ADGRB3: variants seen among roughly 807,000 people sequenced by gnomAD.
ADGRB3 encodes brain-specific angiogenesis inhibitor 3.
In ADGRB3, 37 loss-of-function variants were observed where a neutral mutation model predicts 193.4. That is an observed-to-expected ratio of 0.19 (90% CI 0.15 to 0.25). The LOEUF is 0.25. Among genes scored for constraint, ADGRB3 ranks in the 10% least tolerant of loss-of-function variants. The probability of loss-of-function intolerance (pLI) is 1.00; values close to 1 mark genes in which losing one functional copy is unlikely to be tolerated. For missense variants in ADGRB3, 1,637 were observed against 1,852.9 expected, an observed-to-expected ratio of 0.88 and a Z score of 2.14; for synonymous variants, 690 against 644.2, an observed-to-expected ratio of 1.07 and a Z score of -1.08.
intron 3 of ADGRB3, among the ~76,000 whole-genome samples, chr6:68,690,566 G>C (rs1765056083): frequency 6.6e-6 from 1 of 152,026 alleles, no homozygotes; most frequent in Admixed American, 6.6e-5. Flanking sequence ...TCTTGCCCCT[G>C]ACTACTATCC....
intron 3 of ADGRB3, among the ~76,000 whole-genome samples, chr6:68,891,195 A>G (rs1353338129): frequency 6.6e-6 from 1 of 152,158 alleles, no homozygotes; most frequent in Non-Finnish European, 1.5e-5. Context: ...CACTATTACA[A>G]GAACAGCACG....
chr6:69,351,046 A>G (rs552223206), intron 26 of ADGRB3, among the ~76,000 whole-genome samples: 2 of 152,132 alleles, frequency 1.3e-5, no homozygotes, highest in South Asian at 4.1e-4. Context: ...ACAGTGTTGG[A>G]CAAATATTTA....
chr6:69,372,544 T>G (rs1028527582), intron 30 of ADGRB3, 103 bp downstream of exon 30: 8 of 469,570 alleles, frequency 1.7e-5, no homozygotes, highest in African/African-American at 1.6e-4. Flanking sequence ...AAGGGTATTA[T>G]GTACTAATTT....
chr6:68,753,138 G>A (rs1044598061), intron 3 of ADGRB3, among the ~76,000 whole-genome samples: 1 of 152,172 alleles, frequency 6.6e-6, no homozygotes, highest in African/African-American at 2.4e-5. Context: ...TAGGGATAGT[G>A]TGGTATAATA....
intron 3 of ADGRB3, among the ~76,000 whole-genome samples, chr6:68,819,436 G>C (rs992821485): frequency 2.0e-5 from 3 of 150,754 alleles, no homozygotes; most frequent in African/African-American, 7.3e-5. Flanking sequence ...TTCTTCTTTT[G>C]TCTGCAACTA....
rs371439563 is a variant in ADGRB3 at position 68,855,238 on chromosome 6, G to A, written c.758-75321G>A. Among the ~76,000 whole-genome samples the A allele has an allele frequency of 1.3e-4, 19 of 151,972 alleles. 1 individual carries two copies. The East Asian group carries it at 1.5e-3, about 12-fold the overall frequency. On this transcript the variant is annotated intron_variant, in intron 3 of 31. Transcript: ENST00000370598. ...TACAGCAATGGTGATTGTTTCCCAG[G>A]CCTTTTAAAGACAATAAAAACTCTG...
intron 3 of ADGRB3, among the ~76,000 whole-genome samples, chr6:68,805,217 A>G (rs945079773): frequency 1.3e-5 from 2 of 152,232 alleles, no homozygotes; most frequent in African/African-American, 4.8e-5. Context: ...TTGGGATTAC[A>G]GGTGTGAGCC....
intron 13 of ADGRB3, among the ~76,000 whole-genome samples, chr6:69,039,469 G>C (rs1770966469): frequency 6.6e-6 from 1 of 152,058 alleles, no homozygotes; most frequent in African/African-American, 2.4e-5. Flanking sequence ...TTTCTGTAAA[G>C]GGATAGATAG....
At chr6:68,857,175 C>A (rs780693086) in intron 3 of ADGRB3, among the ~76,000 whole-genome samples, 1 of 152,178 alleles carries the variant, frequency 6.6e-6, no homozygotes, top group African/African-American at 2.4e-5. Context: ...TCTGCTAGGG[C>A]AGTGTGGAAG....
intron 3 of ADGRB3, among the ~76,000 whole-genome samples, chr6:68,897,741 G>T: frequency 3.5e-5 from 1 of 28,290 alleles, no homozygotes; most frequent in East Asian, 8.5e-4. Context: ...GGCAGGAAGA[G>T]GAAGGAAGGG....
chr6:69,213,534 C>T (rs145150649), intron 17 of ADGRB3, among the ~76,000 whole-genome samples: 353 of 152,212 alleles, frequency 2.3e-3, no homozygotes, highest in African/African-American at 8.0e-3. Flanking sequence ...AGCATAGTCC[C>T]ATGGGTTTCC....
intron 20 of ADGRB3, among the ~76,000 whole-genome samples, chr6:69,275,913 A>T (rs759419292): frequency 6.6e-6 from 1 of 152,182 alleles, no homozygotes. Context: ...TGTTTTTTTA[A>T]AAAAGCCATG....
Position 68,872,228 on chromosome 6 carries a change from A to T in ADGRB3, c.758-58331A>T, listed in dbSNP as rs1582272015. 2.0e-5 allele frequency among the ~76,000 whole-genome samples: 3 copies of T among 152,160 alleles called. No individual in the cohort carries two copies. In the South Asian group the frequency reaches 6.2e-4, roughly 32 times the overall value. On this transcript the variant is annotated intron_variant, in intron 3 of 31. Coordinates refer to ENST00000370598, the MANE Select transcript of ADGRB3 (RefSeq NM_001704.3). Reference sequence around the variant, plus strand: ...TCCTGTCAGGTTGTAGAAAATGATAATTTTTTTGAAGACAAGTCTTTGCCA... The same window carrying T: ...TCCTGTCAGGTTGTAGAAAATGATATTTTTTTTGAAGACAAGTCTTTGCCA...
At chr6:69,302,779 C>A (rs1038215022) in intron 20 of ADGRB3, among the ~76,000 whole-genome samples, 9 of 151,904 alleles carry the variant, frequency 5.9e-5, no homozygotes, top group African/African-American at 1.9e-4. Flanking sequence ...CCTTGAAAAC[C>A]ATTAAGCTCT....
intron 18 of ADGRB3, 109 bp downstream of exon 18, chr6:69,233,525 T>C (rs1007081032): frequency 4.7e-5 from 63 of 1,348,138 alleles, no homozygotes; most frequent in Non-Finnish European, 5.6e-5. Flanking sequence ...TGTTGCAGGG[T>C]ACAAAATTGG....
intron 3 of ADGRB3, among the ~76,000 whole-genome samples, chr6:68,711,198 C>A (rs1765402852): frequency 6.6e-6 from 1 of 152,050 alleles, no homozygotes; most frequent in African/African-American, 2.4e-5. Flanking sequence ...GACCTTATTT[C>A]TTTTCTCCTA....
At chr6:69,070,173 A>G (rs1772039945) in intron 16 of ADGRB3, among the ~76,000 whole-genome samples, 2 of 152,130 alleles carry the variant, frequency 1.3e-5, no homozygotes, top group African/African-American at 4.8e-5. Context: ...CTGTGCCTCC[A>G]CTGAAAAGAG....
chr6:68,762,096 G>T (rs1248066300), intron 3 of ADGRB3, among the ~76,000 whole-genome samples: 1 of 152,096 alleles, frequency 6.6e-6, no homozygotes, highest in Non-Finnish European at 1.5e-5. Context: ...CTGAATAATT[G>T]TACAAATATT....
At chr6:69,193,160 C>T (rs1303402418) in intron 17 of ADGRB3, among the ~76,000 whole-genome samples, 4 of 152,056 alleles carry the variant, frequency 2.6e-5, no homozygotes, top group African/African-American at 7.2e-5. Context: ...TATCTTTCTC[C>T]TTCATCCTTT....
Sources: gnomAD v4.1 joint callset for allele counts (sites outside exome capture counted in the v4.1 genomes callset) on GRCh38, gnomAD v4.1.1 for gene constraint, MANE v1.5 for transcripts, NCBI Gene and HGNC (gene_info 2026-07-23, HGNC 2026-07-21) for gene names.